The following BCKDHB variants were observed in gnomAD, a reference collection of about 807,000 sequenced individuals.
BCKDHB encodes the protein 2-oxoisovalerate dehydrogenase subunit beta, mitochondrial.
Under a neutral mutation model 48.5 loss-of-function variants are expected in BCKDHB, and 41 were observed. That is an observed-to-expected ratio of 0.85 (90% CI 0.66 to 1.10). The LOEUF (loss-of-function observed/expected upper bound fraction) is 1.10, where lower values mean the gene tolerates loss of function less well. BCKDHB is among the 50% of genes least tolerant of loss of function. BCKDHB has a pLI of 0.00. For missense variants in BCKDHB, 496 were observed against 494.2 expected (o/e 1.00, Z -0.03); for synonymous variants, 201 against 174.8 (o/e 1.15, Z -1.18).
the BCKDHB span, among the ~76,000 whole-genome samples, chr6:80,389,209 C>T: frequency 0.01 from 1,540 of 152,098 alleles, 24 homozygotes; most frequent in African/African-American, 0.034. Flanking sequence ...CCCCAGCCAC[C>T]CCTGTTATCA....
the BCKDHB span, among the ~76,000 whole-genome samples, chr6:80,402,453 G>T: frequency 2.0e-5 from 3 of 151,562 alleles, no homozygotes; most frequent in Non-Finnish European, 4.4e-5. Flanking sequence ...TTAAAATCAG[G>T]TTATTTGGTA....
intron 8 of BCKDHB, among the ~76,000 whole-genome samples, chr6:80,240,166 T>C (rs1430606550): frequency 6.6e-6 from 1 of 152,176 alleles, no homozygotes; most frequent in Non-Finnish European, 1.5e-5. Flanking sequence ...TTGATGGGGA[T>C]GGCATTGAAT....
intron 3 of BCKDHB, among the ~76,000 whole-genome samples, chr6:80,133,373 G>A (rs1405724247): frequency 6.6e-6 from 1 of 152,224 alleles, no homozygotes; most frequent in Admixed American, 6.5e-5. Context: ...ATCCAGATGA[G>A]TGTGGATTTA....
chr6:80,403,448 C>G, the BCKDHB span, among the ~76,000 whole-genome samples: 2 of 151,868 alleles, frequency 1.3e-5, no homozygotes, highest in Non-Finnish European at 2.9e-5. Flanking sequence ...TGCAAGTTTA[C>G]TAAATTCACT....
At chr6:80,464,457 C>T in the BCKDHB span, among the ~76,000 whole-genome samples, 3 of 152,024 alleles carry the variant, frequency 2.0e-5, no homozygotes, top group African/African-American at 7.3e-5. Context: ...ATTCACTTAG[C>T]TCTACTAATT....
intron 9 of BCKDHB, among the ~76,000 whole-genome samples, chr6:80,276,757 A>C (rs1459368247): frequency 6.6e-6 from 1 of 151,912 alleles, no homozygotes; most frequent in Non-Finnish European, 1.5e-5. Flanking sequence ...AATAATGGTA[A>C]ACTCACAGAA....
At chr6:80,324,692 C>T (rs1035482352) in intron 9 of BCKDHB, among the ~76,000 whole-genome samples, 1 of 152,114 alleles carries the variant, frequency 6.6e-6, no homozygotes, top group Non-Finnish European at 1.5e-5. Flanking sequence ...CTTCTCTCTT[C>T]TCTCCCCAGC....
At chr6:80,454,967 C>T in the BCKDHB span, among the ~76,000 whole-genome samples, 1 of 152,142 alleles carries the variant, frequency 6.6e-6, no homozygotes, top group Non-Finnish European at 1.5e-5. Flanking sequence ...GAGCTTTGAC[C>T]TCATGTTGTC....
At chr6:80,317,619 G>T (rs1313615590) in intron 9 of BCKDHB, among the ~76,000 whole-genome samples, 1 of 152,148 alleles carries the variant, frequency 6.6e-6, no homozygotes, top group African/African-American at 2.4e-5. Context: ...CCATCTCAAG[G>T]TTTTTAATTA....
chr6:80,187,716 A>G (rs935330213), intron 6 of BCKDHB, among the ~76,000 whole-genome samples: 5 of 152,338 alleles, frequency 3.3e-5, no homozygotes, highest in Admixed American at 3.3e-4. Flanking sequence ...GCCAACAAGC[A>G]TACGAGAAAA....
chr6:80,421,951 G>C, the BCKDHB span, among the ~76,000 whole-genome samples: 1 of 152,186 alleles, frequency 6.6e-6, no homozygotes, highest in Non-Finnish European at 1.5e-5. Flanking sequence ...GAAATTGAAG[G>C]CTGCTGCAGA....
chr6:80,390,686 C>G, the BCKDHB span, among the ~76,000 whole-genome samples: 1 of 152,056 alleles, frequency 6.6e-6, no homozygotes, highest in East Asian at 1.9e-4. Flanking sequence ...TATGACCTTA[C>G]TATTGTCTTT....
chr6:80,386,284 T>C, the BCKDHB span, among the ~76,000 whole-genome samples: 3 of 151,866 alleles, frequency 2.0e-5, no homozygotes, highest in African/African-American at 7.3e-5. Flanking sequence ...TGCAGCACTA[T>C]TTACAATAGC....
chr6:80,389,090 A>G, the BCKDHB span, among the ~76,000 whole-genome samples: 2 of 152,344 alleles, frequency 1.3e-5, no homozygotes, highest in East Asian at 3.9e-4. Flanking sequence ...AACTGTGAAG[A>G]TATTTGTATC....
At chr6:80,352,432 AC>A in the BCKDHB span, among the ~76,000 whole-genome samples, 2 of 151,844 alleles carry the variant, frequency 1.3e-5, no homozygotes, top group Non-Finnish European at 2.9e-5. Flanking sequence ...CAGTCAATCA[AC>A]CCCCAGGCTA....
chr6:80,325,687 A>G (rs1454867391), intron 9 of BCKDHB, among the ~76,000 whole-genome samples: 2 of 152,112 alleles, frequency 1.3e-5, no homozygotes, highest in Non-Finnish European at 2.9e-5. Flanking sequence ...TGAGCAGAAA[A>G]CCTGTTGCTA....
intron 9 of BCKDHB, among the ~76,000 whole-genome samples, chr6:80,340,222 T>G (rs1769816122): frequency 1.3e-5 from 2 of 152,246 alleles, no homozygotes; most frequent in Non-Finnish European, 2.9e-5. Flanking sequence ...GCACCTGTCA[T>G]ATGTGCTTTC....
Position 80,106,711 on chromosome 6 carries a change from G to T in BCKDHB, c.18G>T (p.Ala6=), listed in dbSNP as rs2127698696. 11 of 1,552,096 alleles carry T rather than the reference G, an allele frequency of 7.1e-6. No individual in the cohort carries two copies. Among genetic ancestry groups the T allele is most frequent in the South Asian group, 1.2e-5 (1 of 84,664 alleles). Residue 6 remains alanine (A), a synonymous_variant, in exon 1 of 10, where the codon GCG becomes GCT. Coordinates refer to ENST00000320393, the MANE Select transcript of BCKDHB (RefSeq NM_183050.4). The part of the protein sequence containing the change: MAVVA[A]AAGWLLRLRA... ...GAGCGGGGATGGCGGTTGTAGCGGC[G>T]GCTGCCGGCTGGCTACTCAGGCTCA... is the stretch of plus-strand genomic sequence containing the variant.
intron 9 of BCKDHB, among the ~76,000 whole-genome samples, chr6:80,293,508 AT>A (rs1767051811): frequency 6.6e-6 from 1 of 151,956 alleles, no homozygotes; most frequent in Admixed American, 6.6e-5. Context: ...CCAGGAAACC[AT>A]TTTTTGCTCC....
Sources: gnomAD v4.1 joint callset for allele counts (sites outside exome capture counted in the v4.1 genomes callset) on GRCh38, gnomAD v4.1.1 for gene constraint, MANE v1.5 for transcripts, NCBI Gene and HGNC (gene_info 2026-07-23, HGNC 2026-07-21) for gene names.